Variants in PTPRD observed in about 807,000 individuals in gnomAD.
The protein encoded by PTPRD is protein tyrosine phosphatase receptor type D.
In PTPRD, 34 loss-of-function variants were observed where a neutral mutation model predicts 214.5. The ratio of observed to expected loss-of-function variants is 0.16; its 90% confidence interval spans 0.12 to 0.21. The LOEUF (loss-of-function observed/expected upper bound fraction) is 0.21. PTPRD is among the 10% of genes least tolerant of loss of function. The pLI, the probability that PTPRD is intolerant of heterozygous loss-of-function variation, is 1.00. For synonymous variants in PTPRD, 1,128 were observed against 845.7 expected (o/e 1.33, Z -5.79); for missense variants, 2,545 against 2,398.7 (o/e 1.06, Z -1.27).
intron 5 of PTPRD, among the ~76,000 whole-genome samples, chr9:9,806,200 C>G (rs1326491181): frequency 6.6e-6 from 1 of 152,054 alleles, no homozygotes; most frequent in East Asian, 1.9e-4. Context: ...CCAGGAATGT[C>G]AGGCAACCAT....
chr9:10,508,760 C>G (rs904784216), intron 2 of PTPRD, among the ~76,000 whole-genome samples: 11 of 151,764 alleles, frequency 7.2e-5, no homozygotes, highest in African/African-American at 2.7e-4. Flanking sequence ...CACTTGGACA[C>G]AGGAAGGGGA....
intron 8 of PTPRD, among the ~76,000 whole-genome samples, chr9:9,468,136 T>C (rs1589212480): frequency 6.6e-6 from 1 of 152,132 alleles, no homozygotes; most frequent in Non-Finnish European, 1.5e-5. Flanking sequence ...TTTCCTTTTC[T>C]CTTTCTTTCT....
chr9:8,517,853 G>A lies in PTPRD; in HGVS notation c.1538C>T (p.Thr513Ile), dbSNP rs2138448597. 6.2e-7 allele frequency: 1 copy of A among 1,612,078 alleles called. No homozygotes were observed. Among genetic ancestry groups the A allele is most frequent in the Non-Finnish European group, 8.5e-7 (1 of 1,178,836 alleles). Residue 513 changes from threonine (T) to isoleucine (I), a missense_variant, in exon 21 of 46, where the codon ACA becomes ATA. Transcript: ENST00000381196. ...LSSDIQVITQ[T>I]GVPGQPLNFK... ...CCCTCCTCAACCAAACTTACCTCCTGTCTGAGTGATGACTTGTATGTCACT... is the reference window on the plus strand; with the variant it reads ...CCCTCCTCAACCAAACTTACCTCCTATCTGAGTGATGACTTGTATGTCACT...
intron 14 of PTPRD, among the ~76,000 whole-genome samples, chr9:8,590,086 A>C (rs995784833): frequency 1.3e-5 from 2 of 152,116 alleles, no homozygotes; most frequent in African/African-American, 2.4e-5. Context: ...TTAAGGGTAC[A>C]TAGATATTAT....
chr9:9,864,447 A>C (rs549968896), intron 5 of PTPRD, among the ~76,000 whole-genome samples: 1 of 152,296 alleles, frequency 6.6e-6, no homozygotes, highest in East Asian at 1.9e-4. Context: ...CGTGGTCTGC[A>C]AAGTATGATC....
At chr9:9,565,031 A>G (rs1373962343) in intron 8 of PTPRD, among the ~76,000 whole-genome samples, 4 of 151,364 alleles carry the variant, frequency 2.6e-5, no homozygotes, top group South Asian at 2.1e-4. Flanking sequence ...AAGGTCTCCA[A>G]TGTCCTGATA....
chr9:8,689,877 G>T lies in PTPRD; in HGVS notation c.64+43903C>A, dbSNP rs145361522. On this transcript the variant is annotated intron_variant, in intron 12 of 45. Transcript: ENST00000381196. ...AATCCCAGCACTTTGGAAGGCAAAG[G>T]CTTGTGGATCAACTGAGGTTAGGAG... Among the ~76,000 whole-genome samples the T allele has an allele frequency of 7.6e-3, 1,151 of 152,198 alleles. 13 individuals carry two copies. The highest frequency in any genetic ancestry group is 0.024 in the South Asian group (115 of 4,822).
At chr9:9,123,523 A>T (rs963337445) in intron 10 of PTPRD, among the ~76,000 whole-genome samples, 21 of 152,188 alleles carry the variant, frequency 1.4e-4, no homozygotes, top group Non-Finnish European at 2.6e-4. Context: ...GCTACATACA[A>T]TCAGATATGT....
chr9:9,639,525 T>C (rs2095870824), intron 7 of PTPRD, among the ~76,000 whole-genome samples: 2 of 152,204 alleles, frequency 1.3e-5, no homozygotes, highest in South Asian at 2.1e-4. Flanking sequence ...ATACGACATT[T>C]AGTACTAGGC....
intron 4 of PTPRD, among the ~76,000 whole-genome samples, chr9:9,978,794 G>A (rs1034147055): frequency 6.6e-6 from 1 of 151,948 alleles, no homozygotes; most frequent in Non-Finnish European, 1.5e-5. Context: ...AATAAACACA[G>A]ATCGAAGAGT....
chr9:9,725,819 G>C lies in PTPRD; in HGVS notation c.-287+8714C>G, dbSNP rs532542595. Among the ~76,000 whole-genome samples the C allele has an allele frequency of 1.3e-4, 20 of 152,174 alleles. 1 individual carries two copies. The highest frequency in any genetic ancestry group is 3.9e-4 in the Admixed American group (6 of 15,268). On this transcript the variant is annotated intron_variant, in intron 7 of 45. Coordinates refer to ENST00000381196, the MANE Select transcript of PTPRD (RefSeq NM_002839.4). The stretch of plus-strand genomic sequence containing the variant: ...ACTGTAGGACATTTTTTCTTTACAA[G>C]AGAATTCTTCTTTCAAGATAGCCCT...
intron 5 of PTPRD, among the ~76,000 whole-genome samples, chr9:9,805,145 C>A (rs1308065848): frequency 1.3e-5 from 2 of 152,090 alleles, no homozygotes; most frequent in African/African-American, 2.4e-5. Flanking sequence ...TGGGGCCAGG[C>A]TTACCCAAAT....
At chr9:8,794,663 G>C (rs2096354892) in intron 11 of PTPRD, among the ~76,000 whole-genome samples, 1 of 151,952 alleles carries the variant, frequency 6.6e-6, no homozygotes, top group African/African-American at 2.4e-5. Context: ...TTTGAGGGCA[G>C]CAACATAACT....
chr9:8,905,486 C>A (rs542624332), intron 11 of PTPRD, among the ~76,000 whole-genome samples: 1 of 152,128 alleles, frequency 6.6e-6, no homozygotes, highest in South Asian at 2.1e-4. Flanking sequence ...CATCTGTAAT[C>A]CCAATACATT....
chr9:10,318,453 T>A (rs2096487586), intron 3 of PTPRD, among the ~76,000 whole-genome samples: 1 of 151,950 alleles, frequency 6.6e-6, no homozygotes, highest in Non-Finnish European at 1.5e-5. Flanking sequence ...GGCCTCAGGT[T>A]CCCGTCAGGC....
intron 3 of PTPRD, among the ~76,000 whole-genome samples, chr9:10,087,193 G>A (rs537013806): frequency 2.0e-4 from 30 of 149,592 alleles, no homozygotes; most frequent in East Asian, 7.9e-4. Context: ...TAAAGACTTC[G>A]CAAAAAGTTA....
chr9:9,711,266 G>C (rs1030044345), intron 7 of PTPRD, among the ~76,000 whole-genome samples: 1 of 152,104 alleles, frequency 6.6e-6, no homozygotes, highest in Non-Finnish European at 1.5e-5. Context: ...CATAGGAACT[G>C]TATTCTTGTT....
At chr9:9,424,742 T>C (rs986419600) in intron 8 of PTPRD, among the ~76,000 whole-genome samples, 1 of 152,192 alleles carries the variant, frequency 6.6e-6, no homozygotes, top group African/African-American at 2.4e-5. Context: ...CTGTTAGAAT[T>C]AATAAATTTA....
intron 10 of PTPRD, chr9:9,091,205 C>T (rs1443505757): frequency 1.8e-5 from 27 of 1,474,386 alleles, no homozygotes; most frequent in Non-Finnish European, 2.4e-5. Flanking sequence ...CGATTTAGAC[C>T]TGCGGGTGCT....
Sources: allele counts gnomAD v4.1 joint callset (sites outside exome capture counted in the v4.1 genomes callset), GRCh38; gene constraint gnomAD v4.1.1; transcripts MANE v1.5; gene names NCBI Gene and HGNC (gene_info 2026-07-23, HGNC 2026-07-21).